The following LSM4 variants were observed in gnomAD, a reference collection of about 807,000 sequenced individuals.
LSM4 encodes LSM4 homolog, U6 small nuclear RNA and mRNA degradation associated.
In LSM4, 15 loss-of-function variants were observed where a neutral mutation model predicts 22.3. The observed-to-expected ratio is 0.67, with a 90% CI of 0.45 to 1.03. The LOEUF (loss-of-function observed/expected upper bound fraction) is 1.03. Ranked by LOEUF, LSM4 falls within the 50% of genes least tolerant of loss-of-function variation. LSM4 has a pLI of 0.00. For synonymous variants in LSM4, 90 were observed against 79.8 expected, an observed-to-expected ratio of 1.13 and a Z score of -0.68; for missense variants, 127 against 198.0, an observed-to-expected ratio of 0.64 and a Z score of 2.15.
intron 4 of LSM4, 22 bp from the exon 5 acceptor site, chr19:18,307,577 C>T: frequency 6.8e-7 from 1 of 1,472,052 alleles, no homozygotes; most frequent in Non-Finnish European, 9.1e-7. Flanking sequence ...AGAGAGGGCG[C>T]TGCAGCAGAG....
At chr19:18,319,229 G>C (rs1396365098) in intron 1 of LSM4, among the ~76,000 whole-genome samples, 1 of 148,610 alleles carries the variant, frequency 6.7e-6, no homozygotes, top group Non-Finnish European at 1.5e-5. Context: ...GCAACAGAGC[G>C]AGACTGTTTC....
intron 1 of LSM4, among the ~76,000 whole-genome samples, chr19:18,319,381 G>T (rs1422124967): frequency 6.6e-6 from 1 of 152,148 alleles, no homozygotes; most frequent in Non-Finnish European, 1.5e-5. Context: ...GGCCAATATG[G>T]TGAAACCCCA....
At chr19:18,312,045 CA>C (rs1970304033) in intron 3 of LSM4, 1 of 157,428 alleles carries the variant, frequency 6.4e-6, no homozygotes, top group Non-Finnish European at 1.4e-5. Flanking sequence ...CTCTGTGGGT[CA>C]TCCCAGGGGC....
intron 1 of LSM4, 59 bp downstream of exon 1, chr19:18,322,959 G>A (rs972834052): frequency 3.2e-6 from 5 of 1,584,636 alleles, no homozygotes; most frequent in East Asian, 2.3e-5. Flanking sequence ...CGCCCGCAGG[G>A]ATCCCAACGA....
intron 4 of LSM4, chr19:18,309,335 G>A (rs1019661602): frequency 4.5e-5 from 14 of 310,824 alleles, no homozygotes; most frequent in Non-Finnish European, 8.2e-5. Flanking sequence ...CGGTGGGGGC[G>A]GGCGACCTTG....
In LSM4 at chr19:18,321,957, G is replaced by T. The variant is rs186343135; in HGVS notation, c.3+1061C>A. On this transcript the variant is annotated intron_variant, in intron 1 of 4. Coordinates refer to ENST00000593829, the MANE Select transcript of LSM4 (RefSeq NM_012321.5). Reference sequence around the variant, plus strand: ...AAACTCGGATCCCCTAATGCTCAGCGGAGACTGATTTGAGCAATAATAAAA... The same window carrying T: ...AAACTCGGATCCCCTAATGCTCAGCTGAGACTGATTTGAGCAATAATAAAA... Among the ~76,000 whole-genome samples the T allele has an allele frequency of 2.8e-3, 423 of 152,242 alleles. 3 individuals are homozygous for T. Among genetic ancestry groups the T allele is most frequent in the Non-Finnish European group, 2.3e-3 (157 of 68,022 alleles).
At chr19:18,309,646 C>G in intron 4 of LSM4, 32 bp downstream of exon 4, 1 of 1,550,440 alleles carries the variant, frequency 6.4e-7, no homozygotes, top group Non-Finnish European at 8.7e-7. Flanking sequence ...TCTTCCCGCC[C>G]CAGGTACGTC....
chr19:18,309,340 A>G (rs1202725949), intron 4 of LSM4: 1 of 326,374 alleles, frequency 3.1e-6, no homozygotes, highest in African/African-American at 2.1e-5. Context: ...GGGGCGGGCG[A>G]CCTTGGCTCT....
At chr19:18,309,486 G>A in intron 4 of LSM4, 192 bp downstream of exon 4, 1 of 590,400 alleles carries the variant, frequency 1.7e-6, no homozygotes, top group South Asian at 2.2e-5. Flanking sequence ...GAGGCGCAGT[G>A]AGAGGAGGGC....
At chr19:18,311,158 C>T (rs907482420) in intron 3 of LSM4, among the ~76,000 whole-genome samples, 9 of 152,228 alleles carry the variant, frequency 5.9e-5, no homozygotes, top group Admixed American at 3.9e-4. Flanking sequence ...GACTTGGCGC[C>T]CAGCTCTCCC....
chr19:18,316,632 G>A (rs1970359491), intron 1 of LSM4, among the ~76,000 whole-genome samples: 1 of 152,146 alleles, frequency 6.6e-6, no homozygotes, highest in African/African-American at 2.4e-5. Context: ...ACAGGCATGA[G>A]CCACCGTGCC....
At chr19:18,316,097 T>G in intron 1 of LSM4, 32 bp from the exon 2 acceptor site, 1 of 1,611,968 alleles carries the variant, frequency 6.2e-7, no homozygotes, top group Non-Finnish European at 8.5e-7. Flanking sequence ...ATGATTTGTC[T>G]GTTTGACCAG....
intron 2 of LSM4, among the ~76,000 whole-genome samples, chr19:18,315,705 CTAA>C (rs1465391668): frequency 6.6e-6 from 1 of 151,922 alleles, no homozygotes; most frequent in Admixed American, 6.6e-5. Flanking sequence ...CCTCATCTGG[CTAA>C]TTTTAAGTTT....
intron 1 of LSM4, among the ~76,000 whole-genome samples, chr19:18,317,629 G>A (rs896090841): frequency 6.6e-6 from 1 of 151,984 alleles, no homozygotes; most frequent in Non-Finnish European, 1.5e-5. Flanking sequence ...TTACAGGCGT[G>A]AGCCACCGCA....
chr19:18,307,124 A>G lies in LSM4; in HGVS notation c.*340T>C. 1 of 245,218 alleles carries G rather than the reference A, an allele frequency of 4.1e-6. No individual in the cohort carries two copies. The highest frequency in any genetic ancestry group is 7.8e-6 in the Non-Finnish European group (1 of 128,706). The allele number at this position is 245,218 out of a possible 1,614,324, so 15.2% of individuals were successfully genotyped here. On this transcript the variant is annotated 3_prime_UTR_variant, in exon 5 of 5. Coordinates refer to ENST00000593829, the MANE Select transcript of LSM4 (RefSeq NM_012321.5). The stretch of plus-strand genomic sequence containing the variant: ...AATCTCCCGTCTGGTTGCTGCTCGG[A>G]GAGGCTCCAAGAAATGCAAAACAAA...
chr19:18,317,080 G>A (rs576483500), intron 1 of LSM4, among the ~76,000 whole-genome samples: 1 of 151,986 alleles, frequency 6.6e-6, no homozygotes, highest in African/African-American at 2.4e-5. Context: ...GAGTGCAGTG[G>A]TGTGATCTTG....
chr19:18,309,627 G>A (rs769067936), intron 4 of LSM4, 51 bp downstream of exon 4: 2 of 1,521,322 alleles, frequency 1.3e-6, no homozygotes, highest in African/African-American at 1.4e-5. Context: ...GGGATGCCAC[G>A]TGTGGCTGTC....
At chr19:18,321,422 G>A (rs574300879) in intron 1 of LSM4, among the ~76,000 whole-genome samples, 5 of 152,230 alleles carry the variant, frequency 3.3e-5, no homozygotes, top group African/African-American at 1.2e-4. Context: ...AGACCTAACC[G>A]ACTCCATTGT....
intron 4 of LSM4, 65 bp from the exon 5 acceptor site, chr19:18,307,620 C>T (rs1195163257): frequency 7.5e-6 from 9 of 1,207,978 alleles, no homozygotes; most frequent in African/African-American, 1.6e-5. Context: ...AGGATCCCGG[C>T]GCCCTGAAAC....
Sources: gnomAD v4.1 joint callset for allele counts (sites outside exome capture counted in the v4.1 genomes callset) on GRCh38, gnomAD v4.1.1 for gene constraint, MANE v1.5 for transcripts, NCBI Gene and HGNC (gene_info 2026-07-23, HGNC 2026-07-21) for gene names.